RAB11FIP4: variants seen among roughly 807,000 people sequenced by gnomAD.
RAB11FIP4 encodes the protein rab11 family-interacting protein 4.
In RAB11FIP4, 23 loss-of-function variants were observed where a neutral mutation model predicts 74.3. The ratio of observed to expected loss-of-function variants is 0.31; its 90% CI spans 0.22 to 0.44. The LOEUF (loss-of-function observed/expected upper bound fraction) is 0.44, where lower values mean the gene tolerates loss of function less well. Ranked by LOEUF, RAB11FIP4 falls within the 20% of genes least tolerant of loss-of-function variation. RAB11FIP4 has a pLI of 1.00. For synonymous variants in RAB11FIP4, 360 were observed against 359.9 expected, an observed-to-expected ratio of 1.00 and a Z score of 0.00; for missense variants, 630 against 863.9, an observed-to-expected ratio of 0.73 and a Z score of 3.39.
At chr17:31,442,221 G>A (rs1295603167) in intron 3 of RAB11FIP4, among the ~76,000 whole-genome samples, 2 of 151,916 alleles carry the variant, frequency 1.3e-5, no homozygotes, top group African/African-American at 2.4e-5. Context: ...GGATGGTCTC[G>A]ATCTCCTGAC....
intron 1 of RAB11FIP4, among the ~76,000 whole-genome samples, chr17:31,418,498 G>A (rs1263374713): frequency 8.8e-6 from 1 of 113,230 alleles, no homozygotes; most frequent in Non-Finnish European, 1.7e-5. Flanking sequence ...GGGTCTCACT[G>A]TGTCACTCAG....
intron 1 of RAB11FIP4, among the ~76,000 whole-genome samples, chr17:31,397,906 C>G (rs552375572): frequency 6.6e-6 from 1 of 151,320 alleles, no homozygotes; most frequent in Non-Finnish European, 1.5e-5. Context: ...AACAGGCTCT[C>G]GCTTTGTAGC....
intron 3 of RAB11FIP4, among the ~76,000 whole-genome samples, chr17:31,461,020 A>C (rs2071628826): frequency 6.6e-6 from 1 of 150,396 alleles, no homozygotes; most frequent in African/African-American, 2.5e-5. Context: ...CTGTCCACCA[A>C]CTCTCACCAT....
chr17:31,392,837 C>T (rs2070888410), intron 1 of RAB11FIP4, among the ~76,000 whole-genome samples: 1 of 152,196 alleles, frequency 6.6e-6, no homozygotes, highest in Non-Finnish European at 1.5e-5. Flanking sequence ...GAGGACAAGA[C>T]ACCCACCTGG....
chr17:31,442,325 A>G (rs530802060), intron 3 of RAB11FIP4, among the ~76,000 whole-genome samples: 3 of 152,294 alleles, frequency 2.0e-5, no homozygotes, highest in Admixed American at 2.0e-4. Flanking sequence ...TTTTAACGTA[A>G]TTTGGGGAAT....
chr17:31,485,962 G>A (rs1057262609), intron 3 of RAB11FIP4, among the ~76,000 whole-genome samples: 10 of 151,952 alleles, frequency 6.6e-5, no homozygotes, highest in Non-Finnish European at 1.3e-4. Flanking sequence ...TCAGCCAGGC[G>A]CAGTGGCTCA....
At chr17:31,398,027 A>G (rs2070947002) in intron 1 of RAB11FIP4, among the ~76,000 whole-genome samples, 2 of 151,806 alleles carry the variant, frequency 1.3e-5, no homozygotes, top group South Asian at 4.2e-4. Context: ...AGTATATGCC[A>G]CCATGCTCAG....
Position 31,531,437 on chromosome 17 carries a change from G to C in RAB11FIP4, c.1798-179G>C, listed in dbSNP as rs1158993212. Reference sequence around the variant, plus strand: ...CTGCATAGGTAATACTAGGGGCTGAGCCACTTCGACTCTGGTCCTGGCATC... The same window carrying C: ...CTGCATAGGTAATACTAGGGGCTGACCCACTTCGACTCTGGTCCTGGCATC... On this transcript the variant is annotated intron_variant, in intron 14 of 14. Coordinates refer to ENST00000621161, the MANE Select transcript of RAB11FIP4 (RefSeq NM_032932.6). Among the ~76,000 whole-genome samples, 5 of 152,310 alleles carry C rather than the reference G, an allele frequency of 3.3e-5. No individual in the cohort carries two copies. The East Asian group carries it at 9.6e-4, about 29-fold the overall frequency.
chr17:31,522,953 G>A, intron 7 of RAB11FIP4: 1 of 175,086 alleles, frequency 5.7e-6, no homozygotes, highest in South Asian at 1.4e-4. Context: ...GGATGTCACT[G>A]GGGGTGGCAG....
intron 3 of RAB11FIP4, among the ~76,000 whole-genome samples, chr17:31,480,938 C>T (rs2071842382): frequency 6.6e-6 from 1 of 151,996 alleles, no homozygotes; most frequent in African/African-American, 2.4e-5. Context: ...TGACTTCTCC[C>T]ACTAAAATGT....
intron 3 of RAB11FIP4, among the ~76,000 whole-genome samples, chr17:31,467,977 G>A (rs116308974): frequency 0.013 from 1,958 of 152,320 alleles, 42 homozygotes; most frequent in African/African-American, 0.045. Flanking sequence ...ACTGGGCCCT[G>A]CAGCCCCAGT....
At chr17:31,525,469 C>G in intron 10 of RAB11FIP4, 1 of 546,924 alleles carries the variant, frequency 1.8e-6, no homozygotes, top group Non-Finnish European at 3.2e-6. Flanking sequence ...ATGCAAACCA[C>G]ACAAATGTCT....
intron 2 of RAB11FIP4, among the ~76,000 whole-genome samples, chr17:31,433,234 T>C (rs1357430006): frequency 9.9e-5 from 15 of 152,180 alleles, no homozygotes; most frequent in Admixed American, 9.8e-4. Flanking sequence ...GAGAATGCAG[T>C]CACTTCTGGA....
intron 3 of RAB11FIP4, among the ~76,000 whole-genome samples, chr17:31,447,882 G>A (rs1373473027): frequency 1.4e-5 from 2 of 147,594 alleles, no homozygotes; most frequent in South Asian, 2.2e-4. Context: ...GTGCAGTGGC[G>A]CGATCTCAGC....
chr17:31,517,969 T>G (rs893084418), intron 4 of RAB11FIP4, 92 bp downstream of exon 4: 2 of 1,020,964 alleles, frequency 2.0e-6, no homozygotes, highest in Non-Finnish European at 2.9e-6. Context: ...ATTTGAAACA[T>G]GCTCAAAATT....
intron 1 of RAB11FIP4, among the ~76,000 whole-genome samples, chr17:31,404,933 C>T (rs1170335246): frequency 6.6e-6 from 1 of 152,032 alleles, no homozygotes; most frequent in Non-Finnish European, 1.5e-5. Flanking sequence ...AAAGGTGAGA[C>T]CTACCTGTGC....
In RAB11FIP4 at chr17:31,431,578, G is replaced by A. The variant is rs751665100; in HGVS notation, c.160-235G>A. 8.6e-4 allele frequency: 279 copies of A among 324,594 alleles called. 1 individual carries two copies. The highest frequency in any genetic ancestry group is 1.2e-3 in the Non-Finnish European group (248 of 201,784). The allele number at this position is 324,594 out of a possible 1,614,324, so 20.1% of individuals were successfully genotyped here. On this transcript the variant is annotated intron_variant, in intron 1 of 14. Transcript: ENST00000621161. Reference sequence around the variant, plus strand: ...CTCGGCCCCTGAAGCCGTGTGCTCAGGGAGGGTGTGCTCAGGGAGGAGCCG... The same window carrying A: ...CTCGGCCCCTGAAGCCGTGTGCTCAAGGAGGGTGTGCTCAGGGAGGAGCCG...
intron 1 of RAB11FIP4, among the ~76,000 whole-genome samples, chr17:31,421,721 C>A (rs2071201914): frequency 6.6e-6 from 1 of 151,028 alleles, no homozygotes; most frequent in South Asian, 2.1e-4. Context: ...CCACGCCCAG[C>A]TAATTTTTTG....
chr17:31,438,089 G>T (rs888123706), intron 3 of RAB11FIP4, among the ~76,000 whole-genome samples: 1 of 152,122 alleles, frequency 6.6e-6, no homozygotes, highest in Non-Finnish European at 1.5e-5. Flanking sequence ...GACTCCCCAG[G>T]TTCCCTGGGT....
Sources: gnomAD v4.1 joint callset for allele counts (sites outside exome capture counted in the v4.1 genomes callset) on GRCh38, gnomAD v4.1.1 for gene constraint, MANE v1.5 for transcripts, NCBI Gene and HGNC (gene_info 2026-07-23, HGNC 2026-07-21) for gene names.